The following KCNS3 variants were observed in gnomAD, a reference collection of about 807,000 sequenced individuals.
KCNS3 encodes the protein delayed-rectifier potassium channel regulatory subunit KCNS3.
A neutral mutation model predicts 31.0 loss-of-function variants in KCNS3; 13 were observed. That is an observed-to-expected ratio of 0.42 (90% confidence interval 0.27 to 0.67). KCNS3 has a LOEUF of 0.67. KCNS3 is among the 30% of genes least tolerant of loss of function. The pLI is 0.25. For synonymous variants in KCNS3, 238 were observed against 241.5 expected, an observed-to-expected ratio of 0.99 and a Z score of 0.13; for missense variants, 545 against 622.4, an observed-to-expected ratio of 0.88 and a Z score of 1.32.
chr2:17,906,377 GTCTA>G (rs757200930), intron 1 of KCNS3, among the ~76,000 whole-genome samples: 32 of 152,182 alleles, frequency 2.1e-4, no homozygotes, highest in Admixed American at 2.0e-4. Flanking sequence ...CTTGCTAGCG[GTCTA>G]TCTATTTTGT....
chr2:17,925,110 C>T (rs545994671), intron 2 of KCNS3, among the ~76,000 whole-genome samples: 1 of 152,030 alleles, frequency 6.6e-6, no homozygotes, highest in East Asian at 1.9e-4. Flanking sequence ...ATTCTAAGCC[C>T]TCTTGACTAT....
chr2:17,928,233 T>C (rs10166165), intron 2 of KCNS3, among the ~76,000 whole-genome samples: 4,206 of 152,274 alleles, frequency 0.028, 147 homozygotes, highest in African/African-American at 0.082. Context: ...CTGATTTTGC[T>C]AATTTGAATC....
Position 17,932,489 on chromosome 2 carries a change from G to A in KCNS3, c.*5G>A, listed in dbSNP as rs556738549. 5.0e-6 allele frequency: 8 copies of A among 1,600,660 alleles called. No homozygotes were observed. The African/African-American group carries it at 1.1e-4, about 21-fold the overall frequency. On this transcript the variant is annotated 3_prime_UTR_variant, in exon 3 of 3. Transcript: ENST00000304101. ...GAGAATTGCACAGCAAAATGAGCGG[G>A]GGTGTTTGTGCCTGTTTCTCTTATC...
chr2:17,895,752 C>T lies in KCNS3; in HGVS notation c.-252+16946C>T, dbSNP rs76476767. ...CACTGGGAAAGTTTCCTGGAAGAGG[C>T]GACATTTGGACTGATTTCTTGAAGA... is the stretch of plus-strand genomic sequence containing the variant. On this transcript the variant is annotated intron_variant, in intron 1 of 2. Coordinates refer to ENST00000304101, the MANE Select transcript of KCNS3 (RefSeq NM_002252.5). Among the ~76,000 whole-genome samples the T allele has an allele frequency of 2.3e-4, 35 of 152,094 alleles. 1 individual carries two copies. The East Asian group carries it at 5.8e-3, about 25-fold the overall frequency.
At chr2:17,886,662 G>A (rs980583576) in intron 1 of KCNS3, among the ~76,000 whole-genome samples, 4 of 148,932 alleles carry the variant, frequency 2.7e-5, no homozygotes, top group Non-Finnish European at 4.5e-5. Flanking sequence ...GTTCATCTGG[G>A]TGTCCCCATC....
In KCNS3 at chr2:17,904,414, G is replaced by C. The variant is rs377743711; in HGVS notation, c.-251-13266G>C. ...TGTTCTCCCATTCTGTAGGTTGCCTGTTCACTCTGATGGTAGTTTCTTTTG... is the reference window on the plus strand; with the variant it reads ...TGTTCTCCCATTCTGTAGGTTGCCTCTTCACTCTGATGGTAGTTTCTTTTG... On this transcript the variant is annotated intron_variant, in intron 1 of 2. Coordinates refer to ENST00000304101, the MANE Select transcript of KCNS3 (RefSeq NM_002252.5). Among the ~76,000 whole-genome samples, 239 of 152,218 alleles carry C rather than the reference G, an allele frequency of 1.6e-3. 1 individual carries two copies. The highest frequency in any genetic ancestry group is 0.013 in the South Asian group (63 of 4,828).
intron 1 of KCNS3, among the ~76,000 whole-genome samples, chr2:17,888,731 T>C (rs895235416): frequency 1.4e-5 from 2 of 146,138 alleles, no homozygotes; most frequent in African/African-American, 5.0e-5. Context: ...AAAGATGAGT[T>C]GGCTGTAAGT....
chr2:17,918,878 A>C (rs937770211), intron 2 of KCNS3, among the ~76,000 whole-genome samples: 1 of 152,166 alleles, frequency 6.6e-6, no homozygotes, highest in African/African-American at 2.4e-5. Context: ...CCTGGGCCCA[A>C]ATTCTCCAAA....
chr2:17,928,113 T>C (rs919163706), intron 2 of KCNS3, among the ~76,000 whole-genome samples: 3 of 152,246 alleles, frequency 2.0e-5, no homozygotes, highest in Non-Finnish European at 4.4e-5. Context: ...ACACTAGCAA[T>C]TTGTACACTT....
intron 1 of KCNS3, among the ~76,000 whole-genome samples, chr2:17,907,944 T>G (rs1406902079): frequency 6.6e-6 from 1 of 152,182 alleles, no homozygotes; most frequent in African/African-American, 2.4e-5. Flanking sequence ...TGTCTTGGAG[T>G]TGCTCTTCTC....
intron 1 of KCNS3, among the ~76,000 whole-genome samples, chr2:17,901,630 A>G (rs1662175088): frequency 6.6e-6 from 1 of 152,094 alleles, no homozygotes; most frequent in South Asian, 2.1e-4. Context: ...GTCAGATGAC[A>G]TTGGCTGATG....
upstream of KCNS3, among the ~76,000 whole-genome samples, chr2:17,878,198 G>A (rs1396811611): frequency 6.6e-6 from 1 of 152,184 alleles, no homozygotes. Context: ...GCGATTTCCT[G>A]AGGAAATCCA....
intron 2 of KCNS3, 26 bp from the exon 3 acceptor site, chr2:17,930,924 C>G (rs1572506197): frequency 1.3e-6 from 2 of 1,486,310 alleles, no homozygotes; most frequent in Admixed American, 1.9e-5. Flanking sequence ...GGACAGAGTG[C>G]TAATATCATC....
chr2:17,895,143 C>A (rs1184051548), intron 1 of KCNS3, among the ~76,000 whole-genome samples: 1 of 152,064 alleles, frequency 6.6e-6, no homozygotes, highest in Non-Finnish European at 1.5e-5. Context: ...ATTTTCACTA[C>A]CTTCCAAAGA....
intron 1 of KCNS3, among the ~76,000 whole-genome samples, chr2:17,888,452 C>A (rs1293345791): frequency 6.6e-6 from 1 of 151,106 alleles, no homozygotes; most frequent in Middle Eastern, 3.2e-3. Flanking sequence ...ATCCCAGCAC[C>A]ATTTATTGAA....
At chr2:17,885,071 A>G (rs1661610561) in intron 1 of KCNS3, among the ~76,000 whole-genome samples, 1 of 152,062 alleles carries the variant, frequency 6.6e-6, no homozygotes, top group Admixed American at 6.6e-5. Context: ...TAGCAGAACT[A>G]TGAATGGGGA....
At chr2:17,883,075 G>C (rs1674679141) in intron 1 of KCNS3, among the ~76,000 whole-genome samples, 1 of 152,230 alleles carries the variant, frequency 6.6e-6, no homozygotes, top group African/African-American at 2.4e-5. Context: ...AGTATTGAAC[G>C]ATAAAGGCAT....
intron 1 of KCNS3, among the ~76,000 whole-genome samples, chr2:17,887,484 G>GATCGATCTATCTATCT (rs1553341246): frequency 3.1e-4 from 46 of 146,360 alleles, no homozygotes; most frequent in Admixed American, 4.8e-4. Context: ...TCTATCATAT[G>GATCGATCTATCTATCT]ATCTATCTAT....
intron 1 of KCNS3, among the ~76,000 whole-genome samples, chr2:17,884,268 A>AAATATATATATATAT (rs1459540269): frequency 2.1e-5 from 1 of 46,674 alleles, no homozygotes; most frequent in Non-Finnish European, 4.0e-5. Flanking sequence ...AAAAAAAAAA[A>AAATATATATATATAT]ATATATATAT....
Sources: gnomAD v4.1 joint callset for allele counts (sites outside exome capture counted in the v4.1 genomes callset) on GRCh38, gnomAD v4.1.1 for gene constraint, MANE v1.5 for transcripts, NCBI Gene and HGNC (gene_info 2026-07-23, HGNC 2026-07-21) for gene names.